The following TEAD4 variants were observed in gnomAD, a reference collection of about 807,000 sequenced individuals.
TEAD4 encodes the protein TEA domain transcription factor 4.
A neutral mutation model predicts 52.4 loss-of-function variants in TEAD4; 36 were observed. The observed-to-expected ratio is 0.69, with a 90% CI of 0.53 to 0.91. TEAD4 has a LOEUF of 0.91. TEAD4 is among the 40% of genes least tolerant of loss of function. The pLI, the probability that TEAD4 is intolerant of heterozygous loss-of-function variation, is 0.00. For synonymous variants in TEAD4, 220 were observed against 231.0 expected (o/e 0.95, Z 0.43); for missense variants, 508 against 583.9 (o/e 0.87, Z 1.34).
At chr12:3,023,753 A>G (rs1463557099) in intron 10 of TEAD4, among the ~76,000 whole-genome samples, 5 of 149,488 alleles carry the variant, frequency 3.3e-5, no homozygotes, top group Admixed American at 1.4e-4. Flanking sequence ...GATGGCGGCC[A>G]CTGCATTCCA....
At chr12:3,023,082 A>C (rs558674680) in intron 10 of TEAD4, among the ~76,000 whole-genome samples, 12 of 152,336 alleles carry the variant, frequency 7.9e-5, no homozygotes, top group African/African-American at 2.9e-4. Flanking sequence ...ACATGGGGGC[A>C]GGCTGTCTCC....
At chr12:2,988,148 C>A (rs532622790) in intron 2 of TEAD4, among the ~76,000 whole-genome samples, 1 of 152,130 alleles carries the variant, frequency 6.6e-6, no homozygotes, top group Non-Finnish European at 1.5e-5. Flanking sequence ...GATTCAACAT[C>A]TTCATAATAT....
chr12:2,977,045 G>A (rs1463452576), intron 2 of TEAD4, among the ~76,000 whole-genome samples: 2 of 151,270 alleles, frequency 1.3e-5, no homozygotes, highest in Non-Finnish European at 2.9e-5. Context: ...CAATGACCGT[G>A]AATCACGTGC....
chr12:2,985,537 A>T (rs1343787584), intron 2 of TEAD4, among the ~76,000 whole-genome samples: 2 of 90,118 alleles, frequency 2.2e-5, no homozygotes, highest in East Asian at 3.8e-4. Context: ...ACGGAGTCTC[A>T]TTCTGTCCCC....
chr12:2,981,971 T>A (rs1448522828), intron 2 of TEAD4, among the ~76,000 whole-genome samples: 1 of 152,130 alleles, frequency 6.6e-6, no homozygotes, highest in Admixed American at 6.6e-5. Context: ...CTCTAGAGGC[T>A]GGAGGAGTTG....
At chr12:3,030,970 G>C (rs1206181927) in intron 10 of TEAD4, among the ~76,000 whole-genome samples, 1 of 152,222 alleles carries the variant, frequency 6.6e-6, no homozygotes, top group East Asian at 1.9e-4. Flanking sequence ...CTGGAAGCAG[G>C]TGTGAGACTC....
At chr12:2,983,961 T>A (rs1035368934) in intron 2 of TEAD4, among the ~76,000 whole-genome samples, 1 of 152,144 alleles carries the variant, frequency 6.6e-6, no homozygotes, top group Non-Finnish European at 1.5e-5. Context: ...TCTGCTAAGG[T>A]TGGAGTCATC....
At chr12:3,024,048 A>G (rs906775521) in intron 10 of TEAD4, among the ~76,000 whole-genome samples, 5 of 151,966 alleles carry the variant, frequency 3.3e-5, no homozygotes, top group Non-Finnish European at 7.4e-5. Context: ...ATAATATCCA[A>G]TAAGTTATTT....
chr12:2,985,400 CAAA>C (rs974724145), intron 2 of TEAD4, among the ~76,000 whole-genome samples: 1 of 149,662 alleles, frequency 6.7e-6, no homozygotes, highest in South Asian at 2.1e-4. Context: ...AAACAAAAAA[CAAA>C]AAACAAAACC....
intron 10 of TEAD4, among the ~76,000 whole-genome samples, chr12:3,024,765 G>A (rs913666125): frequency 6.6e-6 from 1 of 152,066 alleles, no homozygotes; most frequent in Non-Finnish European, 1.5e-5. Flanking sequence ...AATGGCTCTT[G>A]CATATTTTTT....
At chr12:2,997,448 G>A (rs968150906) in intron 3 of TEAD4, among the ~76,000 whole-genome samples, 7 of 152,336 alleles carry the variant, frequency 4.6e-5, no homozygotes, top group Non-Finnish European at 1.0e-4. Flanking sequence ...ATTTAGCCAG[G>A]AGGGACGCAG....
chr12:3,033,494 A>C (rs2098277225), intron 10 of TEAD4, among the ~76,000 whole-genome samples: 1 of 152,176 alleles, frequency 6.6e-6, no homozygotes, highest in African/African-American at 2.4e-5. Flanking sequence ...TGGAAATGCC[A>C]GGCAGAGCCG....
intron 2 of TEAD4, among the ~76,000 whole-genome samples, chr12:2,986,208 C>G (rs985126639): frequency 6.6e-6 from 1 of 152,196 alleles, no homozygotes; most frequent in Non-Finnish European, 1.5e-5. Flanking sequence ...CACTGGAAAG[C>G]GTTTGGGGCA....
Position 3,019,132 on chromosome 12 carries a change from A to C in TEAD4, c.545A>C (p.Gln182Pro). 1 of 1,613,992 alleles carries C rather than the reference A, an allele frequency of 6.2e-7. No individual in the cohort carries two copies. The highest frequency in any genetic ancestry group is 1.3e-5 in the African/African-American group (1 of 75,030). ...TCCCGCAGTGTGAAGCCTTTCTCTCAGCAAACCTATGCTGTCCAGCCTCCG... is the reference window on the plus strand; with the variant it reads ...TCCCGCAGTGTGAAGCCTTTCTCTCCGCAAACCTATGCTGTCCAGCCTCCG... The change falls in exon 8 of 13, where the codon CAG becomes CCG. Residue 182 changes from glutamine (Q) to proline (P), a missense_variant. Coordinates refer to ENST00000359864, the MANE Select transcript of TEAD4 (RefSeq NM_003213.4).
intron 3 of TEAD4, 29 bp from the exon 4 acceptor site, chr12:3,010,975 C>T: frequency 6.2e-7 from 1 of 1,613,784 alleles, no homozygotes; most frequent in Non-Finnish European, 8.5e-7. Flanking sequence ...GTCCTTCTCT[C>T]CACTGAGAGG....
intron 10 of TEAD4, among the ~76,000 whole-genome samples, chr12:3,037,123 G>A (rs1288684214): frequency 6.6e-6 from 1 of 152,230 alleles, no homozygotes; most frequent in Non-Finnish European, 1.5e-5. Flanking sequence ...AGGAAGAGCA[G>A]CCTGTCTGAG....
At chr12:2,969,894 C>A (rs576695964) in intron 2 of TEAD4, among the ~76,000 whole-genome samples, 46 of 152,192 alleles carry the variant, frequency 3.0e-4, no homozygotes, top group African/African-American at 1.1e-3. Context: ...GTGGTGCTGT[C>A]CAATAGAAAT....
intron 3 of TEAD4, among the ~76,000 whole-genome samples, chr12:2,996,656 C>T (rs1216573189): frequency 6.6e-6 from 1 of 152,282 alleles, no homozygotes; most frequent in South Asian, 2.1e-4. Context: ...GTGATCCGCC[C>T]ACCTTGGCCT....
intron 2 of TEAD4, among the ~76,000 whole-genome samples, chr12:2,972,450 C>T (rs530991828): frequency 3.5e-4 from 50 of 142,170 alleles, no homozygotes; most frequent in Admixed American, 1.1e-3. Flanking sequence ...TCTTATTTTA[C>T]GTTCATTTTT....
Sources: gnomAD v4.1 joint callset for allele counts (sites outside exome capture counted in the v4.1 genomes callset) on GRCh38, gnomAD v4.1.1 for gene constraint, MANE v1.5 for transcripts, NCBI Gene and HGNC (gene_info 2026-07-23, HGNC 2026-07-21) for gene names.